EBF4: variants seen among roughly 807,000 people sequenced by gnomAD.
EBF4 encodes EBF transcription factor 4, also known as transcription factor COE4.
Under a neutral mutation model 67.1 loss-of-function variants are expected in EBF4, and 34 were observed. The ratio of observed to expected loss-of-function variants is 0.51; its 90% CI spans 0.39 to 0.67. EBF4 has a LOEUF of 0.67. EBF4 is among the 30% of genes least tolerant of loss of function. The probability of loss-of-function intolerance (pLI) is 0.00; values close to 1 mark genes in which losing one functional copy is unlikely to be tolerated. For missense variants in EBF4, 837 were observed against 873.3 expected (o/e 0.96, Z 0.52); for synonymous variants, 387 against 377.7 (o/e 1.02, Z -0.29).
At chr20:2,694,866 G>A (rs1369539096) in intron 1 of EBF4, among the ~76,000 whole-genome samples, 1 of 152,164 alleles carries the variant, frequency 6.6e-6, no homozygotes, top group South Asian at 2.1e-4. Context: ...TGTCGGGAGG[G>A]AACGCTGGGG....
At chr20:2,719,297 C>T (rs1008829922) in intron 6 of EBF4, among the ~76,000 whole-genome samples, 10 of 152,014 alleles carry the variant, frequency 6.6e-5, no homozygotes, top group African/African-American at 9.7e-5. Flanking sequence ...TGTTTTGAGA[C>T]GGAGTCTTGC....
chr20:2,731,185 C>T (rs1218602811), intron 6 of EBF4, among the ~76,000 whole-genome samples: 1 of 152,228 alleles, frequency 6.6e-6, no homozygotes, highest in Non-Finnish European at 1.5e-5. Context: ...GCATGAGCCA[C>T]TGTGCCCAGC....
chr20:2,703,492 G>C (rs761086332), intron 1 of EBF4, among the ~76,000 whole-genome samples: 3 of 152,056 alleles, frequency 2.0e-5, no homozygotes, highest in African/African-American at 7.2e-5. Flanking sequence ...ACAGCACTTT[G>C]GGAGTCCAAG....
In EBF4 at chr20:2,745,421, CA is replaced by C. The variant is rs1027485567; in HGVS notation, c.558-3127del. On this transcript the variant is annotated intron_variant, in intron 6 of 16. Transcript: ENST00000609451. The surrounding 1 kb of genome is among the most constrained non-coding windows in gnomAD (Gnocchi z 5.2). ...TCTTGTGCAGCTGCTTTTACTCACC[CA>C]CACTCTGCAGGTAATGCTAGCCAGG... Among the ~76,000 whole-genome samples the C allele has an allele frequency of 6.6e-6, 1 of 152,220 alleles. No individual in the cohort carries two copies. Among genetic ancestry groups the C allele is most frequent in the Non-Finnish European group, 1.5e-5 (1 of 68,044 alleles).
At chr20:2,727,876 G>A (rs2087765846) in intron 6 of EBF4, among the ~76,000 whole-genome samples, 1 of 152,168 alleles carries the variant, frequency 6.6e-6, no homozygotes, top group African/African-American at 2.4e-5. Context: ...TGTTCATTGA[G>A]ATCCGTTGCC....
Position 2,705,964 on chromosome 20 carries a change from G to C in EBF4, c.295-10G>C. 1.3e-6 allele frequency: 2 copies of C among 1,551,092 alleles called. No homozygotes were observed. The highest frequency in any genetic ancestry group is 1.7e-6 in the Non-Finnish European group (2 of 1,146,722). Reference sequence around the variant, plus strand: ...GAGCACCCGAGCATCCTCCCATCTTGTCCCTGCAGGAGCCCGGGGCGGAAA... The same window carrying C: ...GAGCACCCGAGCATCCTCCCATCTTCTCCCTGCAGGAGCCCGGGGCGGAAA... On this transcript the variant is annotated splice_polypyrimidine_tract_variant and intron_variant, in intron 2 of 16. Coordinates refer to ENST00000609451, the Ensembl canonical transcript of EBF4.
intron 1 of EBF4, among the ~76,000 whole-genome samples, chr20:2,703,594 G>A (rs114467511): frequency 0.011 from 1,605 of 151,840 alleles, 25 homozygotes; most frequent in African/African-American, 0.036. Flanking sequence ...GAGTTAGTAG[G>A]TCGAAGCTGC....
exon 10 of EBF4, chr20:2,749,898 G>A: frequency 1.3e-6 from 2 of 1,551,528 alleles, no homozygotes; most frequent in Non-Finnish European, 1.7e-6. Context: ...GCACATCCCC[G>A]GGGTGGTGGA....
chr20:2,750,763 C>T (rs2088132108), intron 10 of EBF4, among the ~76,000 whole-genome samples: 1 of 152,150 alleles, frequency 6.6e-6, no homozygotes, highest in Non-Finnish European at 1.5e-5. Flanking sequence ...AAGGGGCTGA[C>T]AATCAAGGAA....
exon 13 of EBF4, chr20:2,752,232 C>A (rs1442940106): frequency 6.8e-6 from 9 of 1,331,810 alleles, no homozygotes; most frequent in Middle Eastern, 2.8e-4. Flanking sequence ...TGGCCATCGC[C>A]GTCGGGGACG....
At chr20:2,698,753 G>T (rs13040535) in intron 1 of EBF4, among the ~76,000 whole-genome samples, 3 of 152,060 alleles carry the variant, frequency 2.0e-5, no homozygotes, top group Non-Finnish European at 4.4e-5. Flanking sequence ...TGAAAGTAGG[G>T]CTTGTCCCCC....
rs968407030 is a variant in EBF4, at chr20:2,751,908, C to T, written c.1108-14C>T. On this transcript the variant is annotated splice_polypyrimidine_tract_variant and intron_variant, in intron 11 of 16. Transcript: ENST00000609451. The surrounding 1 kb of genome is among the most constrained non-coding windows in gnomAD (Gnocchi z 5.2). ...GCTGCCCCTCCGTCCCGCTGTCTCT[C>T]CCCCTGTCCCCAGGAAGTGCTGCTG... The T allele has an allele frequency of 1.9e-6, 3 of 1,549,278 alleles. No individual in the cohort carries two copies. The highest frequency in any genetic ancestry group is 1.4e-5 in the African/African-American group (1 of 73,044).
intron 6 of EBF4, among the ~76,000 whole-genome samples, chr20:2,718,136 C>T (rs564445386): frequency 1.9e-4 from 29 of 152,304 alleles, no homozygotes; most frequent in African/African-American, 3.6e-4. Flanking sequence ...TTCTACATTT[C>T]CCAGATAAAC....
At chr20:2,718,403 A>G (rs1257404053) in intron 6 of EBF4, among the ~76,000 whole-genome samples, 1 of 152,204 alleles carries the variant, frequency 6.6e-6, no homozygotes, top group East Asian at 1.9e-4. Context: ...AATTCACCAT[A>G]AAGCCATCTG....
chr20:2,743,339 C>T (rs574556888), intron 6 of EBF4, among the ~76,000 whole-genome samples: 53 of 152,282 alleles, frequency 3.5e-4, no homozygotes, highest in Non-Finnish European at 5.0e-4. Flanking sequence ...GGGGAGAGCC[C>T]GGGCACTGCT....
intron 6 of EBF4, among the ~76,000 whole-genome samples, chr20:2,741,850 A>G (rs1219876858): frequency 6.6e-6 from 1 of 152,232 alleles, no homozygotes. Context: ...TGAAGCCCAT[A>G]TAGCCCCAAT....
intron 6 of EBF4, among the ~76,000 whole-genome samples, chr20:2,720,701 A>C (rs2087668739): frequency 6.6e-6 from 1 of 152,196 alleles, no homozygotes; most frequent in Admixed American, 6.5e-5. Flanking sequence ...AGATTTAAAT[A>C]ATATTTAAAA....
chr20:2,715,270 A>T (rs1050965870), intron 6 of EBF4, among the ~76,000 whole-genome samples: 1 of 152,218 alleles, frequency 6.6e-6, no homozygotes, highest in Non-Finnish European at 1.5e-5. Context: ...ATAAAAAAAA[A>T]TGATACCATG....
chr20:2,709,642 G>A, exon 6 of EBF4: 1 of 1,548,440 alleles, frequency 6.5e-7, no homozygotes, highest in Non-Finnish European at 8.7e-7. Flanking sequence ...ATCATTGACA[G>A]GTACAGGCTC....
Sources: allele counts gnomAD v4.1 joint callset (sites outside exome capture counted in the v4.1 genomes callset), GRCh38; gene constraint gnomAD v4.1.1; non-coding constraint Gnocchi (gnomAD v3.1); transcripts MANE v1.5; gene names NCBI Gene and HGNC (gene_info 2026-07-23, HGNC 2026-07-21).